NOTCH4: variants seen among roughly 807,000 people sequenced by gnomAD.
The protein encoded by NOTCH4 is notch receptor 4.
Under a neutral mutation model 189.0 loss-of-function variants are expected in NOTCH4, and 138 were observed. The ratio of observed to expected loss-of-function variants is 0.73; its 90% CI spans 0.64 to 0.84. NOTCH4 has a LOEUF of 0.84. Ranked by LOEUF, NOTCH4 falls within the 40% of genes least tolerant of loss-of-function variation. NOTCH4 has a pLI of 0.00. For missense variants in NOTCH4, 2,286 were observed against 2,605.4 expected, an observed-to-expected ratio of 0.88 and a Z score of 2.67; for synonymous variants, 942 against 1,032.8, an observed-to-expected ratio of 0.91 and a Z score of 1.69.
intron 15 of NOTCH4, 45 bp downstream of exon 15, chr6:32,213,090 G>C (rs1453700381): frequency 6.9e-7 from 1 of 1,446,288 alleles, no homozygotes; most frequent in South Asian, 1.2e-5. Flanking sequence ...GGGTGGGAAG[G>C]CTGAGGGGTT....
rs1410160200 is a variant in NOTCH4 at position 32,196,152 on chromosome 6, T to A, written c.5299-2A>T. 1 of 1,589,234 alleles carries A rather than the reference T, an allele frequency of 6.3e-7. No homozygotes were observed. The highest frequency in any genetic ancestry group is 8.5e-7 in the Non-Finnish European group (1 of 1,173,734). On this transcript the variant is annotated splice_acceptor_variant, in intron 29 of 29. Transcript: ENST00000375023. LOFTEE classifies it high-confidence loss of function. ...CGCCAGGAATAGCGGCGTCTGCTCC[T>A]GTACAGAAGAGCCAGGGCCGATATC...
At position 32,208,003 on chromosome 6, in the gene NOTCH4, C is replaced by CAA. The variant is rs9279505; in HGVS notation, c.2865+2747_2865+2748dup. ...CAGGCGACGGTGCAAGACTCCTTCT[C>CAA]AAAAAAAAAAAAAAAAAAAAATCAT... On this transcript the variant is annotated intron_variant, in intron 18 of 29. Coordinates refer to ENST00000375023, the MANE Select transcript of NOTCH4 (RefSeq NM_004557.4). Among the ~76,000 whole-genome samples, 271 of 129,858 alleles carry CAA rather than the reference C, an allele frequency of 2.1e-3. 2 individuals carry two copies. Among genetic ancestry groups the CAA allele is most frequent in the Admixed American group, 0.014 (180 of 12,584 alleles). 85.2% of individuals were successfully genotyped at this position (129,858 alleles called of 152,430 possible).
Position 32,213,960 on chromosome 6 carries a change from C to T in NOTCH4, c.2168-120G>A, listed in dbSNP as rs41270476. On this transcript the variant is annotated intron_variant, in intron 13 of 29. Coordinates refer to ENST00000375023, the MANE Select transcript of NOTCH4 (RefSeq NM_004557.4). The stretch of plus-strand genomic sequence containing the variant: ...CCTATTATTCTTTCCCATCAACCTC[C>T]GTTCTCACCACCTCCCACACATCAC... 2.4e-3 allele frequency: 3,512 copies of T among 1,437,776 alleles called. 4 individuals are homozygous for T. The highest frequency in any genetic ancestry group is 3.0e-3 in the Non-Finnish European group (3,155 of 1,043,432). 89.1% of individuals were successfully genotyped at this position (1,437,776 alleles called of 1,614,324 possible).
In NOTCH4 at chr6:32,214,453, A is replaced by G. The variant is rs552403620; in HGVS notation, c.2022-198T>C. Among the ~76,000 whole-genome samples, 625 of 144,346 alleles carry G rather than the reference A, an allele frequency of 4.3e-3. 4 individuals are homozygous for G. The highest frequency in any genetic ancestry group is 6.1e-3 in the Non-Finnish European group (407 of 66,328). The allele number at this position is 144,346 out of a possible 152,430, so 94.7% of individuals were successfully genotyped here. A position where few individuals can be genotyped will look rare whatever the true frequency, so the allele number is the denominator to read the frequency against. On this transcript the variant is annotated intron_variant, in intron 12 of 29. Transcript: ENST00000375023. ...TCTCCAACTAGATATATGCATCTAT[A>G]TATCTAGTTGGAGATATATATATAT...
Position 32,212,586 on chromosome 6 carries a change from A to G in NOTCH4, c.2568T>C (p.Asn856=), listed in dbSNP as rs938227886. The G allele has an allele frequency of 1.9e-6, 3 of 1,612,938 alleles. No homozygotes were observed. In the African/African-American group the frequency reaches 4.0e-5, roughly 22 times the overall value. The change falls in exon 17 of 30, where the codon AAT becomes AAC. Residue 856 remains asparagine (N), a synonymous_variant. Transcript: ENST00000375023. This position sits in a 1 kb window ranked among gnomAD's most constrained non-coding sequence, Gnocchi z 4.4. ...DLCAQKPCPR[N]SHCLQTGPSF... is the part of the protein sequence containing the mutation. The stretch of plus-strand genomic sequence containing the variant: ...AGGGCCCAGTCTGGAGGCAGTGGGA[A>G]TTGCGTGGGCAGGGCTTCTGGGCAC...
Position 32,202,153 on chromosome 6 carries a change from G to C in NOTCH4, c.3678C>G (p.Asp1226Glu), listed in dbSNP as rs897448132. ...AGTCACACTGTGGGTGGCACTGCCC[G>C]TCCCGGAAGAGAAGCCAGCACCGAG... ...SHSRCWLLFR[D>E]GQCHPQCDSE... Residue 1226 changes from aspartate (D) to glutamate (E), a missense_variant, in exon 21 of 30, where the codon GAC (aspartate) becomes GAG (glutamate). Around this residue, in one of 2 missense-constraint regions of NOTCH4, gnomAD observed 1,903 missense variants for 2,261.9 expected, o/e 0.84. Transcript: ENST00000375023. The surrounding 1 kb of genome is among the most constrained non-coding windows in gnomAD (Gnocchi z 5.7). 4 of 1,517,528 alleles carry C rather than the reference G, an allele frequency of 2.6e-6. No homozygotes were observed. In the African/African-American group the frequency reaches 5.6e-5, roughly 21 times the overall value. The allele number at this position is 1,517,528 out of a possible 1,614,324, so 94.0% of individuals were successfully genotyped here.
chr6:32,203,485 A>C, intron 20 of NOTCH4: 1 of 467,760 alleles, frequency 2.1e-6, no homozygotes, highest in East Asian at 3.6e-5. Flanking sequence ...ACAGAGTTAA[A>C]ATAACCTATC....
In NOTCH4 at chr6:32,200,703, A is replaced by G. The variant is rs1017400783; in HGVS notation, c.4315+128T>C. 3 of 757,198 alleles carry G rather than the reference A, an allele frequency of 4.0e-6. No individual in the cohort carries two copies. In the African/African-American group the frequency reaches 5.4e-5, roughly 14 times the overall value. 46.9% of individuals were successfully genotyped at this position (757,198 alleles called of 1,614,324 possible). A position where few individuals can be genotyped will look rare whatever the true frequency, so the allele number is the denominator to read the frequency against. ...TCAGTTAGAGAAAGCGGGGTTAGGG[A>G]AAGTAAGTCCCCACAAAGAACATTT... On this transcript the variant is annotated intron_variant, in intron 23 of 29. Transcript: ENST00000375023. The surrounding 1 kb of genome is among the most constrained non-coding windows in gnomAD (Gnocchi z 5.0).
chr6:32,215,601 G>T (rs1789350805), intron 11 of NOTCH4, among the ~76,000 whole-genome samples: 1 of 152,138 alleles, frequency 6.6e-6, no homozygotes, highest in Admixed American at 6.5e-5. Flanking sequence ...CATGACATTT[G>T]TACAACAGCT....
Position 32,195,583 on chromosome 6 carries a change from G to A in NOTCH4, c.5866C>T (p.Leu1956=). The part of the protein sequence containing the change: ...TDDWPCDWVA[L]GACGSASNIP... ...TTGGAGGCAGAACCGCAAGCTCCCA[G>A]GGCCACCCAATCACAGGGCCAGTCA... Residue 1956 remains leucine, a synonymous_variant, in exon 30 of 30, where the codon CTG becomes TTG. Coordinates refer to ENST00000375023, the MANE Select transcript of NOTCH4 (RefSeq NM_004557.4). The surrounding 1 kb of genome is among the most constrained non-coding windows in gnomAD (Gnocchi z 5.4). 5.6e-6 allele frequency: 9 copies of A among 1,613,124 alleles called. No individual in the cohort carries two copies. Among genetic ancestry groups the A allele is most frequent in the Non-Finnish European group, 6.8e-6 (8 of 1,180,030 alleles).
chr6:32,208,247 G>A (rs1788819283), intron 18 of NOTCH4, among the ~76,000 whole-genome samples: 1 of 152,062 alleles, frequency 6.6e-6, no homozygotes, highest in South Asian at 2.1e-4. Context: ...AACGTATAAG[G>A]AACTCAACAG....
Position 32,214,484 on chromosome 6 carries a change from T to TATATATATATATATATAC in NOTCH4, c.2022-230_2022-229insGTATATATATATATATAT, listed in dbSNP as rs28383875. 1.4e-3 allele frequency among the ~76,000 whole-genome samples: 199 copies of TATATATATATATATATAC among 141,190 alleles called. 3 individuals carry two copies. The highest frequency in any genetic ancestry group is 6.0e-3 in the Admixed American group (85 of 14,058). 92.6% of individuals were successfully genotyped at this position (141,190 alleles called of 152,430 possible). On this transcript the variant is annotated intron_variant, in intron 12 of 29. Transcript: ENST00000375023. ...AGTTGGAGATATATATATATATATA[T>TATATATATATATATATAC]ACACACATATATATTCTTTCTGTAA...
intron 26 of NOTCH4, among the ~76,000 whole-genome samples, chr6:32,197,837 T>TC (rs1554145188): frequency 4.0e-5 from 6 of 150,562 alleles, no homozygotes; most frequent in Non-Finnish European, 8.9e-5. Context: ...TTTTTTTTTT[T>TC]CTGAGACGGA....
Position 32,220,651 on chromosome 6 carries a change from G to T in NOTCH4, c.923-10C>A, listed in dbSNP as rs753895295. On this transcript the variant is annotated splice_polypyrimidine_tract_variant and intron_variant, in intron 5 of 29. Transcript: ENST00000375023. ...TCGGAGCAGTCCCAGCCTGCAGGGG[G>T]TTGGGGAGGGGACGAGGGCTAAGGC... 1.5e-5 allele frequency: 24 copies of T among 1,613,200 alleles called. No homozygotes were observed. In the South Asian group the frequency reaches 2.0e-4, roughly 13 times the overall value.
chr6:32,201,223 C>T lies in NOTCH4; in HGVS notation c.4033G>A (p.Ala1345Thr). Residue 1345 changes from alanine (A) to threonine (T), a missense_variant, in exon 22 of 30, where the codon GCC (alanine) becomes ACC (threonine). Transcript: ENST00000375023. This position sits in a 1 kb window ranked among gnomAD's most constrained non-coding sequence, Gnocchi z 5.5. ...CCTCCTAGCTTTTCTTCAGCCCGGG[C>T]CCCAGGATAGGGGTACACCATGTCC... ...GRDMVYPYPG[A>T]RAEEKLGGTR... 2 of 1,613,022 alleles carry T rather than the reference C, an allele frequency of 1.2e-6. No homozygotes were observed. The highest frequency in any genetic ancestry group is 3.3e-5 in the Admixed American group (2 of 60,018).
Position 32,202,157 on chromosome 6 carries a change from C to A in NOTCH4, c.3674G>T (p.Arg1225Leu), listed in dbSNP as rs759022399. 6.6e-7 allele frequency: 1 copy of A among 1,520,508 alleles called. No individual in the cohort carries two copies. The highest frequency in any genetic ancestry group is 2.2e-5 in the Admixed American group (1 of 44,868). 94.2% of individuals were successfully genotyped at this position (1,520,508 alleles called of 1,614,324 possible). A position where few individuals can be genotyped will look rare whatever the true frequency, so the allele number is the denominator to read the frequency against. Residue 1225 changes from arginine (R) to leucine (L), a missense_variant, in exon 21 of 30, where the codon CGG (arginine) becomes CTG (leucine). Around this residue, in one of 2 missense-constraint regions of NOTCH4, gnomAD observed 1,903 missense variants for 2,261.9 expected, o/e 0.84. Transcript: ENST00000375023. The surrounding 1 kb of genome is among the most constrained non-coding windows in gnomAD (Gnocchi z 5.7). ...ACACTGTGGGTGGCACTGCCCGTCC[C>A]GGAAGAGAAGCCAGCACCGAGAGTG... ...PSHSRCWLLF[R>L]DGQCHPQCDS...
Position 32,201,380 on chromosome 6 carries a change from C to A in NOTCH4, c.3876G>T (p.Glu1292Asp). The change falls in exon 22 of 30, where the codon GAG becomes GAT. Residue 1292 changes from glutamate (E) to aspartate (D), a missense_variant. Around this residue, in one of 2 missense-constraint regions of NOTCH4, gnomAD observed 1,903 missense variants for 2,261.9 expected, o/e 0.84. Coordinates refer to ENST00000375023, the MANE Select transcript of NOTCH4 (RefSeq NM_004557.4). This position sits in a 1 kb window ranked among gnomAD's most constrained non-coding sequence, Gnocchi z 5.5. Reference sequence around the variant, plus strand: ...CCAGCAGGGCCAGGGAGGGCCCCCACTCTGGGTCCCCATCTTCAGGCCTGC... The same window carrying A: ...CCAGCAGGGCCAGGGAGGGCCCCCAATCTGGGTCCCCATCTTCAGGCCTGC... ...GDCRPEDGDP[E>D]WGPSLALLVV... 2 of 1,590,154 alleles carry A rather than the reference C, an allele frequency of 1.3e-6. No homozygotes were observed. The highest frequency in any genetic ancestry group is 1.7e-6 in the Non-Finnish European group (2 of 1,168,226).
Position 32,220,640 on chromosome 6 carries a change from G to A in NOTCH4, c.924C>T (p.Gly308=). The change falls in exon 6 of 30, where the codon GGC becomes GGT. Residue 308 remains glycine (G), a splice_region_variant and synonymous_variant. Coordinates refer to ENST00000375023, the MANE Select transcript of NOTCH4 (RefSeq NM_004557.4). ...YTCLCPETWT[G]WDCSEDVDEC... is the part of the protein sequence containing the mutation. ...CATCCACATCTTCGGAGCAGTCCCA[G>A]CCTGCAGGGGGTTGGGGAGGGGACG... 1.9e-6 allele frequency: 3 copies of A among 1,613,548 alleles called. No homozygotes were observed. The highest frequency in any genetic ancestry group is 1.1e-5 in the South Asian group (1 of 91,070).
Position 32,195,128 on chromosome 6 carries a change from C to T in NOTCH4, c.*309G>A, listed in dbSNP as rs773129643. The T allele has an allele frequency of 3.2e-5, 13 of 410,586 alleles. No homozygotes were observed. Among genetic ancestry groups the T allele is most frequent in the Non-Finnish European group, 5.2e-5 (12 of 229,798 alleles). The allele number at this position is 410,586 out of a possible 1,614,324, so 25.4% of individuals were successfully genotyped here. A position where few individuals can be genotyped will look rare whatever the true frequency, so the allele number is the denominator to read the frequency against. The stretch of plus-strand genomic sequence containing the variant: ...ACCATATATAGGAAAGAACATCTTA[C>T]ATCCCATATGCCTGCAATTCTTGGT... On this transcript the variant is annotated 3_prime_UTR_variant, in exon 30 of 30. Transcript: ENST00000375023. This position sits in a 1 kb window ranked among gnomAD's most constrained non-coding sequence, Gnocchi z 5.4.
Sources: gnomAD v4.1 joint callset for allele counts (sites outside exome capture counted in the v4.1 genomes callset) on GRCh38, gnomAD v4.1.1 for gene constraint, gnomAD v4.1.1 regional missense constraint, Gnocchi (gnomAD v3.1) non-coding constraint, MANE v1.5 for transcripts, NCBI Gene and HGNC (gene_info 2026-07-23, HGNC 2026-07-21) for gene names.